Variants in RIPOR2 observed in about 807,000 individuals in gnomAD.
RIPOR2 encodes RHO family interacting cell polarization regulator 2.
A neutral mutation model predicts 114.5 loss-of-function variants in RIPOR2; 39 were observed. The observed-to-expected ratio is 0.34, with a 90% CI of 0.26 to 0.44. The LOEUF (loss-of-function observed/expected upper bound fraction) is 0.44. RIPOR2 is among the 20% of genes least tolerant of loss of function. RIPOR2 has a pLI of 1.00. For synonymous variants in RIPOR2, 445 were observed against 484.4 expected (o/e 0.92, Z 1.07); for missense variants, 1,007 against 1,255.1 (o/e 0.80, Z 2.99).
intron 1 of RIPOR2, among the ~76,000 whole-genome samples, chr6:24,935,323 A>T (rs1264311459): frequency 1.1e-5 from 1 of 87,326 alleles, no homozygotes; most frequent in African/African-American, 5.1e-5. Flanking sequence ...ACAACAACAA[A>T]AAAAAAAAAA....
At chr6:25,031,556 G>GATATATAT (rs3056856) in intron 1 of RIPOR2, among the ~76,000 whole-genome samples, 1 of 143,010 alleles carries the variant, frequency 7.0e-6, no homozygotes, top group African/African-American at 2.6e-5. Flanking sequence ...AAGATTGACT[G>GATATATAT]ATATATATAT....
chr6:24,919,499 C>G (rs1770320697), intron 1 of RIPOR2, among the ~76,000 whole-genome samples: 1 of 152,172 alleles, frequency 6.6e-6, no homozygotes, highest in South Asian at 2.1e-4. Context: ...TCATTAGCAG[C>G]AGCAAGAAGA....
intron 8 of RIPOR2, among the ~76,000 whole-genome samples, chr6:24,859,619 T>C (rs1250869512): frequency 2.0e-5 from 3 of 152,072 alleles, no homozygotes; most frequent in African/African-American, 7.2e-5. Flanking sequence ...CTAAACTGAT[T>C]CCCTACCGGA....
At chr6:24,851,860 C>G (rs1274964856) in intron 9 of RIPOR2, among the ~76,000 whole-genome samples, 1 of 151,996 alleles carries the variant, frequency 6.6e-6, no homozygotes, top group Non-Finnish European at 1.5e-5. Context: ...TATAAACTCA[C>G]TGGTGTTGAG....
chr6:25,033,864 T>C (rs1015627650), intron 1 of RIPOR2, among the ~76,000 whole-genome samples: 1 of 149,024 alleles, frequency 6.7e-6, no homozygotes, highest in Non-Finnish European at 1.5e-5. Flanking sequence ...TTTTATTCTC[T>C]TTTTTTTGGT....
intron 1 of RIPOR2, among the ~76,000 whole-genome samples, chr6:24,888,037 T>C (rs1321432286): frequency 6.6e-6 from 1 of 152,148 alleles, no homozygotes; most frequent in Admixed American, 6.5e-5. Flanking sequence ...TGTTTCCTTA[T>C]TAGAAGGAAA....
Position 24,870,874 on chromosome 6 carries a change from G to C in RIPOR2, c.439C>G (p.Leu147Val). 1 of 1,602,376 alleles carries C rather than the reference G, an allele frequency of 6.2e-7. No homozygotes were observed. Among genetic ancestry groups the C allele is most frequent in the East Asian group, 2.3e-5 (1 of 44,442 alleles). Residue 147 changes from leucine (L) to valine (V), a missense_variant, in exon 5 of 22, where the codon CTA (leucine) becomes GTA (valine). Coordinates refer to ENST00000643898, the MANE Select transcript of RIPOR2 (RefSeq NM_001286445.3). ...RNSRLGVLYD[L>V]DKQIKTIERY... ...ACGGAATGGCAACTTACCTTGTCTA[G>C]GTCATACAGTACACCCTACAATAAA... is the stretch of plus-strand genomic sequence containing the variant.
intron 1 of RIPOR2, among the ~76,000 whole-genome samples, chr6:24,963,023 G>T (rs564596845): frequency 3.9e-5 from 6 of 152,082 alleles, no homozygotes; most frequent in Non-Finnish European, 8.8e-5. Context: ...CCACAGCAGA[G>T]AATGCATGTG....
intron 1 of RIPOR2, among the ~76,000 whole-genome samples, chr6:24,966,936 A>G (rs1247480137): frequency 1.3e-5 from 2 of 152,228 alleles, no homozygotes; most frequent in Non-Finnish European, 2.9e-5. Flanking sequence ...AAGTCCTTCA[A>G]GGTGGTCTCA....
chr6:24,837,051 G>A (rs1761176320), intron 14 of RIPOR2, among the ~76,000 whole-genome samples: 1 of 152,184 alleles, frequency 6.6e-6, no homozygotes, highest in South Asian at 2.1e-4. Flanking sequence ...TAACAAGTAT[G>A]CAGAAAAATT....
At chr6:24,912,321 C>T (rs1256241604) in intron 1 of RIPOR2, among the ~76,000 whole-genome samples, 2 of 152,140 alleles carry the variant, frequency 1.3e-5, no homozygotes, top group Non-Finnish European at 1.5e-5. Flanking sequence ...TACATTGATC[C>T]TTTTATTTCC....
chr6:24,938,140 T>C (rs1307962801), upstream of RIPOR2, among the ~76,000 whole-genome samples: 2 of 152,210 alleles, frequency 1.3e-5, no homozygotes, highest in African/African-American at 4.8e-5. Context: ...TTAGTTAGGA[T>C]GAACTTATAT....
At chr6:24,823,944 A>G (rs1391625324) in intron 19 of RIPOR2, among the ~76,000 whole-genome samples, 1 of 152,036 alleles carries the variant, frequency 6.6e-6, no homozygotes, top group Admixed American at 6.6e-5. Context: ...TTTAGTAGAG[A>G]CAGGGTTTCC....
At chr6:24,892,735 AT>A (rs1250884269) in intron 1 of RIPOR2, among the ~76,000 whole-genome samples, 1 of 152,180 alleles carries the variant, frequency 6.6e-6, no homozygotes, top group Non-Finnish European at 1.5e-5. Context: ...TGATTAATGA[AT>A]TTATTCGTGG....
intron 1 of RIPOR2, among the ~76,000 whole-genome samples, chr6:25,036,746 G>C (rs376745852): frequency 9.9e-5 from 15 of 152,260 alleles, no homozygotes; most frequent in African/African-American, 3.4e-4. Flanking sequence ...TCTGTCATCT[G>C]GTTGCATTTA....
intron 1 of RIPOR2, chr6:24,877,265 C>G: frequency 2.1e-5 from 21 of 985,438 alleles, no homozygotes; most frequent in Non-Finnish European, 2.4e-5. Flanking sequence ...GAAGGACAAA[C>G]AGCCTCCTCC....
intron 1 of RIPOR2, among the ~76,000 whole-genome samples, chr6:25,004,295 G>A (rs1010187560): frequency 9.9e-5 from 15 of 152,174 alleles, no homozygotes; most frequent in African/African-American, 3.6e-4. Flanking sequence ...GGCACAGACA[G>A]GCTTTAGACC....
intron 7 of RIPOR2, among the ~76,000 whole-genome samples, chr6:24,864,978 C>T (rs955786038): frequency 6.6e-6 from 1 of 152,116 alleles, no homozygotes; most frequent in African/African-American, 2.4e-5. Context: ...GATGTGGCCT[C>T]GCTCTGTCAC....
At chr6:24,937,320 G>A (rs775108456), upstream of RIPOR2, among the ~76,000 whole-genome samples, 5 of 152,076 alleles carry the variant, frequency 3.3e-5, no homozygotes, top group South Asian at 2.1e-4. Context: ...AGCACTCAGG[G>A]GCCCAGGGAT....
Sources: gnomAD v4.1 joint callset for allele counts (sites outside exome capture counted in the v4.1 genomes callset) on GRCh38, gnomAD v4.1.1 for gene constraint, MANE v1.5 for transcripts, NCBI Gene and HGNC (gene_info 2026-07-23, HGNC 2026-07-21) for gene names.